Variants in CCDC171 observed in about 807,000 individuals in gnomAD.
CCDC171 encodes the protein coiled-coil domain containing 171, also known as coiled-coil domain-containing protein 171.
In CCDC171, 177 loss-of-function variants were observed where a neutral mutation model predicts 168.2. The observed-to-expected ratio is 1.05, with a 90% CI of 0.93 to 1.19. CCDC171 has a LOEUF of 1.19. Among genes scored for constraint, CCDC171 ranks in the 50% most tolerant of loss-of-function variants. CCDC171 has a pLI of 0.00. For missense variants in CCDC171, 1,991 were observed against 1,539.0 expected (o/e 1.29, Z -4.91); for synonymous variants, 687 against 540.8 (o/e 1.27, Z -3.75).
At chr9:15,987,372 A>G (rs1832024660) in intron 3 of CCDC171, among the ~76,000 whole-genome samples, 1 of 152,164 alleles carries the variant, frequency 6.6e-6, no homozygotes, top group Non-Finnish European at 1.5e-5. Context: ...CCCTCATGAC[A>G]CAACTTACCC....
chr9:15,733,349 G>T (rs1303758866), intron 16 of CCDC171, among the ~76,000 whole-genome samples: 1 of 151,952 alleles, frequency 6.6e-6, no homozygotes, highest in African/African-American at 2.4e-5. Context: ...TTACATGTAA[G>T]AACTCTTTGC....
At chr9:15,854,716 G>T (rs1215119757) in intron 23 of CCDC171, among the ~76,000 whole-genome samples, 1 of 151,528 alleles carries the variant, frequency 6.6e-6, no homozygotes, top group Non-Finnish European at 1.5e-5. Flanking sequence ...CTTTTTTAAT[G>T]TAGACATTTA....
intron 21 of CCDC171, among the ~76,000 whole-genome samples, chr9:15,816,131 T>C (rs898413361): frequency 1.7e-5 from 2 of 117,930 alleles, no homozygotes; most frequent in Admixed American, 8.0e-5. Context: ...AAAGTGTATG[T>C]TCTCATACAT....
At chr9:15,941,833 A>G (rs1827772480) in intron 25 of CCDC171, among the ~76,000 whole-genome samples, 1 of 151,996 alleles carries the variant, frequency 6.6e-6, no homozygotes, top group South Asian at 2.1e-4. Context: ...GTTACCAGTT[A>G]AAAGGGTTAC....
intron 23 of CCDC171, among the ~76,000 whole-genome samples, chr9:15,861,878 T>C (rs555572161): frequency 6.6e-6 from 1 of 152,142 alleles, no homozygotes; most frequent in African/African-American, 2.4e-5. Context: ...AGCATTCTAT[T>C]ATTTCTACTT....
intron 24 of CCDC171, among the ~76,000 whole-genome samples, chr9:15,908,471 C>G (rs977240492): frequency 1.5e-5 from 2 of 130,708 alleles, no homozygotes; most frequent in Admixed American, 2.0e-4. Flanking sequence ...CACATGGACA[C>G]AGGAAGGGGA....
At chr9:15,569,591 G>A (rs941113696) in intron 2 of CCDC171, among the ~76,000 whole-genome samples, 1 of 151,816 alleles carries the variant, frequency 6.6e-6, no homozygotes, top group Admixed American at 6.6e-5. Flanking sequence ...CGAGGCGGGC[G>A]GATCACGAGG....
At chr9:15,654,779 C>A (rs767082630) in intron 7 of CCDC171, among the ~76,000 whole-genome samples, 4 of 152,086 alleles carry the variant, frequency 2.6e-5, no homozygotes, top group Non-Finnish European at 5.9e-5. Context: ...GTTCATCTCA[C>A]TGGGGAGTGT....
chr9:16,101,482 A>C, the CCDC171 span, among the ~76,000 whole-genome samples: 1 of 152,218 alleles, frequency 6.6e-6, no homozygotes, highest in Non-Finnish European at 1.5e-5. Context: ...ATGTGATGCA[A>C]CATCACTCCT....
chr9:15,556,396 C>T (rs2038801021), intron 1 of CCDC171, among the ~76,000 whole-genome samples: 5 of 152,166 alleles, frequency 3.3e-5, no homozygotes, highest in Admixed American at 3.3e-4. Flanking sequence ...TCCTCTCTAG[C>T]ACCTGTTGTT....
intron 18 of CCDC171, among the ~76,000 whole-genome samples, chr9:15,750,239 G>A (rs759654184): frequency 1.4e-4 from 22 of 151,948 alleles, no homozygotes; most frequent in Non-Finnish European, 3.1e-4. Flanking sequence ...TAAATTCCTG[G>A]ACACATACAC....
intron 1 of CCDC171, among the ~76,000 whole-genome samples, chr9:16,044,570 A>G (rs977775435): frequency 4.6e-5 from 7 of 151,158 alleles, no homozygotes; most frequent in Admixed American, 2.6e-4. Context: ...ATGTTGTGGA[A>G]GGAATTCTCT....
At chr9:15,708,383 A>T (rs1263491982) in intron 11 of CCDC171, among the ~76,000 whole-genome samples, 1 of 152,214 alleles carries the variant, frequency 6.6e-6, no homozygotes, top group Non-Finnish European at 1.5e-5. Context: ...ATGAAAGTAC[A>T]ATCAGCTTCC....
chr9:15,607,871 C>A (rs375247780), intron 6 of CCDC171, among the ~76,000 whole-genome samples: 1 of 152,132 alleles, frequency 6.6e-6, no homozygotes, highest in Non-Finnish European at 1.5e-5. Context: ...TACTCATTAC[C>A]TGACTGCCTT....
At chr9:15,780,624 A>G (rs1175744826) in intron 20 of CCDC171, among the ~76,000 whole-genome samples, 1 of 152,178 alleles carries the variant, frequency 6.6e-6, no homozygotes, top group African/African-American at 2.4e-5. Flanking sequence ...TGTTCTCCAC[A>G]TTTCGTGTGT....
Position 15,578,953 on chromosome 9 carries a change from A to G in CCDC171, c.282A>G (p.Glu94=), listed in dbSNP as rs2040900229. ...LEYDLAVARK[E]AGLGRRAAEE... is the part of the protein sequence containing the mutation. ...ATGACCTAGCTGTTGCTAGAAAGGA[A>G]GCTGGTCTTGGAAGACGGGCTGCTG... The change falls in exon 4 of 26, where the codon GAA becomes GAG. Residue 94 remains glutamate (E), a synonymous_variant. Transcript: ENST00000380701. The G allele has an allele frequency of 6.2e-7, 1 of 1,614,096 alleles. No homozygotes were observed. The highest frequency in any genetic ancestry group is 8.5e-7 in the Non-Finnish European group (1 of 1,179,960).
At chr9:15,606,291 C>T (rs1412185794) in intron 6 of CCDC171, among the ~76,000 whole-genome samples, 1 of 152,142 alleles carries the variant, frequency 6.6e-6, no homozygotes, top group African/African-American at 2.4e-5. Flanking sequence ...ATTTTTAGCT[C>T]TAATTAATGA....
chr9:15,674,588 T>A (rs1272816734), intron 9 of CCDC171, among the ~76,000 whole-genome samples: 2 of 152,186 alleles, frequency 1.3e-5, no homozygotes, highest in Non-Finnish European at 2.9e-5. Flanking sequence ...TCAAATAACA[T>A]CTTTATTTCT....
At chr9:15,787,661 G>C (rs1316025696) in intron 21 of CCDC171, among the ~76,000 whole-genome samples, 1 of 152,078 alleles carries the variant, frequency 6.6e-6, no homozygotes, top group African/African-American at 2.4e-5. Context: ...GAATTACTAG[G>C]TTAGAAACCA....
Sources: gnomAD v4.1 joint callset for allele counts (sites outside exome capture counted in the v4.1 genomes callset) on GRCh38, gnomAD v4.1.1 for gene constraint, MANE v1.5 for transcripts, NCBI Gene and HGNC (gene_info 2026-07-23, HGNC 2026-07-21) for gene names.